The following CHST9 variants were observed in gnomAD, a reference collection of about 807,000 sequenced individuals.
CHST9 encodes GalNAc-4-sulfotransferase 2.
Under a neutral mutation model 44.4 loss-of-function variants are expected in CHST9, and 41 were observed. The ratio of observed to expected loss-of-function variants is 0.92; its 90% CI spans 0.72 to 1.20. The LOEUF is 1.20. Ranked by LOEUF, CHST9 falls within the 50% of genes most tolerant of loss-of-function variation. CHST9 has a pLI of 0.00. For synonymous variants in CHST9, 171 were observed against 178.4 expected (o/e 0.96, Z 0.33); for missense variants, 504 against 516.5 (o/e 0.98, Z 0.23).
At chr18:27,072,589 G>T (rs1433944336) in intron 2 of CHST9, among the ~76,000 whole-genome samples, 7 of 152,084 alleles carry the variant, frequency 4.6e-5, no homozygotes, top group Admixed American at 3.9e-4. Context: ...CTTACACAGA[G>T]ACCAGTTCTC....
chr18:27,053,291 GGA>G, intron 2 of CHST9, among the ~76,000 whole-genome samples: 1 of 137,042 alleles, frequency 7.3e-6, no homozygotes, highest in African/African-American at 2.7e-5. Flanking sequence ...AGAAGGAGAA[GGA>G]GAAGGAGAAG....
chr18:27,159,860 T>G (rs1034489822), intron 1 of CHST9, among the ~76,000 whole-genome samples: 5 of 152,224 alleles, frequency 3.3e-5, no homozygotes, highest in Admixed American at 3.3e-4. Context: ...TATTTTATTC[T>G]CTTTGAAGCA....
intron 1 of CHST9, among the ~76,000 whole-genome samples, chr18:27,170,912 G>A (rs2058829071): frequency 6.6e-6 from 1 of 152,174 alleles, no homozygotes; most frequent in Non-Finnish European, 1.5e-5. Flanking sequence ...ACATAAATAG[G>A]TGATAAAGAA....
intron 2 of CHST9, among the ~76,000 whole-genome samples, chr18:27,069,883 A>C (rs1248849090): frequency 6.6e-6 from 1 of 152,222 alleles, no homozygotes; most frequent in African/African-American, 2.4e-5. Context: ...GCAGTAAATT[A>C]GTTGGCATTT....
chr18:27,068,367 G>A (rs2057804387), intron 2 of CHST9, among the ~76,000 whole-genome samples: 1 of 151,858 alleles, frequency 6.6e-6, no homozygotes, highest in Non-Finnish European at 1.5e-5. Flanking sequence ...TGTACTTGAG[G>A]TCTTTTCATT....
chr18:27,093,828 A>G (rs113793311), intron 2 of CHST9, among the ~76,000 whole-genome samples: 4,095 of 151,844 alleles, frequency 0.027, 173 homozygotes, highest in African/African-American at 0.092. Context: ...TTCTGTGTCA[A>G]TCACACTGGG....
intron 2 of CHST9, among the ~76,000 whole-genome samples, chr18:27,094,459 T>G (rs894687894): frequency 6.6e-6 from 1 of 152,210 alleles, no homozygotes; most frequent in African/African-American, 2.4e-5. Context: ...GTGACCAAAA[T>G]GTTTATGACT....
chr18:27,058,063 T>C (rs2057678477), intron 2 of CHST9, among the ~76,000 whole-genome samples: 1 of 152,228 alleles, frequency 6.6e-6, no homozygotes, highest in Non-Finnish European at 1.5e-5. Flanking sequence ...GAGAAGATTT[T>C]TGGAAGACCT....
intron 2 of CHST9, among the ~76,000 whole-genome samples, chr18:27,137,372 A>AGAGAGG (rs2058525071): frequency 6.6e-6 from 1 of 150,902 alleles, no homozygotes; most frequent in African/African-American, 2.4e-5. Flanking sequence ...AGAGAGAGAG[A>AGAGAGG]GAAAGAGGCA....
intron 1 of CHST9, among the ~76,000 whole-genome samples, chr18:27,184,738 T>G (rs2058942312): frequency 6.6e-6 from 1 of 152,182 alleles, no homozygotes; most frequent in South Asian, 2.1e-4. Flanking sequence ...CCTGCCGTCC[T>G]CTTTCCAACC....
intron 2 of CHST9, among the ~76,000 whole-genome samples, chr18:27,053,256 A>AGAAGG (rs2057602850): frequency 3.7e-5 from 3 of 80,590 alleles, no homozygotes; most frequent in South Asian, 4.9e-4. Flanking sequence ...GAAGAAGAAG[A>AGAAGG]AGAAGGAGAA....
At chr18:27,068,013 C>T (rs2143637649) in intron 2 of CHST9, among the ~76,000 whole-genome samples, 1 of 152,264 alleles carries the variant, frequency 6.6e-6, no homozygotes, top group East Asian at 1.9e-4. Context: ...TCAACTTTCA[C>T]TGTCTGCTCC....
intron 2 of CHST9, among the ~76,000 whole-genome samples, chr18:27,132,498 G>A (rs2058480436): frequency 6.6e-6 from 1 of 152,060 alleles, no homozygotes; most frequent in South Asian, 2.1e-4. Flanking sequence ...TTAGTTTTGG[G>A]GTGAATTCAC....
At chr18:27,014,266 T>C (rs1420726581) in intron 4 of CHST9, among the ~76,000 whole-genome samples, 1 of 151,832 alleles carries the variant, frequency 6.6e-6, no homozygotes, top group Admixed American at 6.6e-5. Context: ...CATGTTGATA[T>C]CAACTAGCTG....
intron 4 of CHST9, among the ~76,000 whole-genome samples, chr18:27,011,386 G>A (rs558420630): frequency 4.3e-4 from 65 of 152,244 alleles, no homozygotes; most frequent in African/African-American, 1.3e-3. Flanking sequence ...GTGCAGGGCC[G>A]TGAGCGGAAG....
chr18:27,132,873 C>G (rs1261891411), intron 2 of CHST9, among the ~76,000 whole-genome samples: 2 of 152,184 alleles, frequency 1.3e-5, no homozygotes, highest in Non-Finnish European at 2.9e-5. Flanking sequence ...CTCCTTTCTT[C>G]CTGTCTGCTT....
intron 1 of CHST9, among the ~76,000 whole-genome samples, chr18:27,146,809 A>G (rs550479398): frequency 2.5e-4 from 38 of 152,344 alleles, no homozygotes; most frequent in African/African-American, 7.2e-4. Flanking sequence ...GAGAAATACT[A>G]AAAGATAGGG....
intron 4 of CHST9, among the ~76,000 whole-genome samples, chr18:26,995,024 C>T (rs146390357): frequency 7.0e-4 from 107 of 152,070 alleles, no homozygotes; most frequent in African/African-American, 2.2e-3. Flanking sequence ...TGGGGAAAGC[C>T]GGTGGACGTG....
chr18:27,146,389 G>A (rs1237378254), intron 1 of CHST9, among the ~76,000 whole-genome samples: 4 of 152,168 alleles, frequency 2.6e-5, no homozygotes, highest in Non-Finnish European at 4.4e-5. Context: ...TTAACCCAAC[G>A]TTGGCGTTAG....
Sources: gnomAD v4.1 joint callset for allele counts (sites outside exome capture counted in the v4.1 genomes callset) on GRCh38, gnomAD v4.1.1 for gene constraint, MANE v1.5 for transcripts, NCBI Gene and HGNC (gene_info 2026-07-23, HGNC 2026-07-21) for gene names.